EXOC2: variants seen among roughly 807,000 people sequenced by gnomAD.
EXOC2 encodes the protein SEC5-like 1.
EXOC2 carries 70 observed loss-of-function variants against 131.8 expected under a neutral mutation model. That is an observed-to-expected ratio of 0.53 (90% confidence interval 0.44 to 0.65). EXOC2 has a LOEUF of 0.65. Ranked by LOEUF, EXOC2 falls within the 30% of genes least tolerant of loss-of-function variation. The probability of loss-of-function intolerance (pLI) is 0.00; values close to 1 mark genes in which losing one functional copy is unlikely to be tolerated. For missense variants in EXOC2, 923 were observed against 1,108.6 expected, an observed-to-expected ratio of 0.83 and a Z score of 2.38; for synonymous variants, 411 against 398.4, an observed-to-expected ratio of 1.03 and a Z score of -0.38.
At chr6:543,030 T>A (rs1019320552) in intron 22 of EXOC2, among the ~76,000 whole-genome samples, 1 of 152,166 alleles carries the variant, frequency 6.6e-6, no homozygotes, top group Admixed American at 6.5e-5. Flanking sequence ...TGGAAACGTT[T>A]AGACATTAAG....
chr6:677,683 G>T (rs1242203299), intron 1 of EXOC2, among the ~76,000 whole-genome samples: 1 of 152,080 alleles, frequency 6.6e-6, no homozygotes, highest in Non-Finnish European at 1.5e-5. Flanking sequence ...TGGTCGGGCT[G>T]GTCTAAAATT....
chr6:608,831 C>A (rs1760568068), intron 7 of EXOC2, among the ~76,000 whole-genome samples: 1 of 152,164 alleles, frequency 6.6e-6, no homozygotes, highest in Non-Finnish European at 1.5e-5. Context: ...ATACAGATAT[C>A]ATAGTTTGAT....
intron 11 of EXOC2, among the ~76,000 whole-genome samples, chr6:581,021 C>T (rs369182483): frequency 3.3e-4 from 50 of 152,254 alleles, no homozygotes; most frequent in East Asian, 9.6e-4. Context: ...TGGCCGGGCG[C>T]GGTGGCTCAT....
intron 7 of EXOC2, among the ~76,000 whole-genome samples, chr6:608,460 C>T (rs1156584214): frequency 6.6e-6 from 1 of 152,072 alleles, no homozygotes; most frequent in African/African-American, 2.4e-5. Flanking sequence ...AAAGTCCTGA[C>T]GAATGGTCTC....
intron 9 of EXOC2, 51 bp downstream of exon 9, chr6:598,809 T>C: frequency 7.0e-7 from 1 of 1,429,612 alleles, no homozygotes; most frequent in South Asian, 1.2e-5. Context: ...CATTCCACAT[T>C]CTTCCTATAA....
At chr6:514,733 G>T (rs1321081652) in intron 23 of EXOC2, among the ~76,000 whole-genome samples, 1 of 152,220 alleles carries the variant, frequency 6.6e-6, no homozygotes, top group Non-Finnish European at 1.5e-5. Context: ...CAGAGGCCAG[G>T]GGAGGAGCAC....
intron 22 of EXOC2, among the ~76,000 whole-genome samples, chr6:538,176 C>G (rs1766579659): frequency 6.6e-6 from 1 of 152,168 alleles, no homozygotes; most frequent in Non-Finnish European, 1.5e-5. Flanking sequence ...GAGGCAGGAT[C>G]AATGTCAGGA....
Position 490,447 on chromosome 6 carries a change from G to T in EXOC2, c.2621+678C>A, listed in dbSNP as rs144681232. Among the ~76,000 whole-genome samples the T allele has an allele frequency of 2.6e-5, 4 of 152,306 alleles. No homozygotes were observed. The East Asian group carries it at 7.7e-4, about 29-fold the overall frequency. ...TGAGCTGTGACCGACGGGAATGAAA[G>T]GCTAACTTCATTGGTTAGGAAAAAA... On this transcript the variant is annotated intron_variant, in intron 26 of 27. Transcript: ENST00000230449.
chr6:564,598 C>A lies in EXOC2; in HGVS notation c.1614G>T (p.Glu538Asp), dbSNP rs1757871379. 1 of 1,614,066 alleles carries A rather than the reference C, an allele frequency of 6.2e-7. No homozygotes were observed. Among genetic ancestry groups the A allele is most frequent in the African/African-American group, 1.3e-5 (1 of 74,922 alleles). ...DGEAKQYGGWEVKCELSGQWL... is the reference protein window; with the variant it reads ...DGEAKQYGGWDVKCELSGQWL... ...ACTGTCCGGAGAGCTCGCACTTCACCTCCCAGCCTCCGTACTGCTTGGCTT... is the reference window on the plus strand; with the variant it reads ...ACTGTCCGGAGAGCTCGCACTTCACATCCCAGCCTCCGTACTGCTTGGCTT... Residue 538 changes from glutamate to aspartate, a missense_variant, in exon 15 of 28, where the codon GAG (glutamate) becomes GAT (aspartate). Coordinates refer to ENST00000230449, the MANE Select transcript of EXOC2 (RefSeq NM_018303.6).
intron 13 of EXOC2, among the ~76,000 whole-genome samples, chr6:569,441 G>C (rs370378215): frequency 1.3e-5 from 2 of 152,052 alleles, no homozygotes; most frequent in African/African-American, 4.8e-5. Context: ...TTAACGGATG[G>C]GCTCTTAATA....
chr6:588,422 G>A (rs541756195), intron 11 of EXOC2, among the ~76,000 whole-genome samples: 6 of 152,044 alleles, frequency 3.9e-5, no homozygotes, highest in African/African-American at 7.2e-5. Flanking sequence ...GTACGATCTC[G>A]GCTTACCATA....
intron 23 of EXOC2, among the ~76,000 whole-genome samples, chr6:518,916 A>G (rs1765308527): frequency 6.6e-6 from 1 of 152,336 alleles, no homozygotes; most frequent in South Asian, 2.1e-4. Flanking sequence ...GAGTTCAGTA[A>G]AGAAAAAAAG....
At chr6:631,363 C>T (rs867124942) in intron 3 of EXOC2, among the ~76,000 whole-genome samples, 1 of 152,072 alleles carries the variant, frequency 6.6e-6, no homozygotes, top group African/African-American at 2.4e-5. Flanking sequence ...CATGGTGAAA[C>T]CCCATCTCTA....
At chr6:503,717 T>C (rs559462606) in intron 23 of EXOC2, among the ~76,000 whole-genome samples, 2 of 152,312 alleles carry the variant, frequency 1.3e-5, no homozygotes, top group East Asian at 3.9e-4. Context: ...GCAAAGGGCC[T>C]AGAGACCAGA....
At chr6:581,255 C>T (rs1758881651) in intron 11 of EXOC2, among the ~76,000 whole-genome samples, 1 of 149,764 alleles carries the variant, frequency 6.7e-6, no homozygotes, top group Non-Finnish European at 1.5e-5. Flanking sequence ...AAGATCACAT[C>T]ACCGCACTCC....
chr6:673,987 G>A (rs1293670599), intron 1 of EXOC2, among the ~76,000 whole-genome samples: 5 of 152,016 alleles, frequency 3.3e-5, no homozygotes, highest in African/African-American at 9.7e-5. Context: ...GCAATTAAGC[G>A]AGTTATGACT....
At chr6:495,360 G>T (rs566149449) in intron 25 of EXOC2, among the ~76,000 whole-genome samples, 1 of 151,890 alleles carries the variant, frequency 6.6e-6, no homozygotes, top group Admixed American at 6.6e-5. Flanking sequence ...TCCTGACCTC[G>T]TGATCCGCCC....
chr6:658,657 ATATATATATTTT>A lies in EXOC2; in HGVS notation c.-43-20808_-43-20797del, dbSNP rs1763261021. Among the ~76,000 whole-genome samples the A allele has an allele frequency of 6.6e-5, 5 of 75,380 alleles. 1 individual carries two copies. The highest frequency in any genetic ancestry group is 1.8e-4 in the African/African-American group (4 of 22,468). The allele number at this position is 75,380 out of a possible 152,430, so 49.5% of individuals were successfully genotyped here. A position where few individuals can be genotyped will look rare whatever the true frequency, so the allele number is the denominator to read the frequency against. On this transcript the variant is annotated intron_variant, in intron 1 of 27. Coordinates refer to ENST00000230449, the MANE Select transcript of EXOC2 (RefSeq NM_018303.6). ...ATATATATATATTTTATATATATAT[ATATATATATTTT>A]TTTTTTTTTTAGACGAAGTCTTGCT... is the stretch of plus-strand genomic sequence containing the variant.
intron 25 of EXOC2, 73 bp from the exon 26 acceptor site, chr6:491,259 A>G: frequency 6.7e-7 from 1 of 1,489,980 alleles, no homozygotes; most frequent in Non-Finnish European, 9.4e-7. Flanking sequence ...ACTAAGGTTA[A>G]GGGTCTCCAG....
Sources: gnomAD v4.1 joint callset for allele counts (sites outside exome capture counted in the v4.1 genomes callset) on GRCh38, gnomAD v4.1.1 for gene constraint, MANE v1.5 for transcripts, NCBI Gene and HGNC (gene_info 2026-07-23, HGNC 2026-07-21) for gene names.